IPO13: variants seen among roughly 807,000 people sequenced by gnomAD.
IPO13 encodes the protein importin-13.
IPO13 carries 28 observed loss-of-function variants against 115.5 expected under a neutral mutation model. The observed-to-expected ratio is 0.24, with a 90% CI of 0.18 to 0.33. The LOEUF (loss-of-function observed/expected upper bound fraction) is 0.33, where lower values mean the gene tolerates loss of function less well. IPO13 is among the 10% of genes least tolerant of loss of function. The probability of loss-of-function intolerance (pLI) is 1.00; values close to 1 mark genes in which losing one functional copy is unlikely to be tolerated. For missense variants in IPO13, 785 were observed against 1,204.6 expected, an observed-to-expected ratio of 0.65 and a Z score of 5.16; for synonymous variants, 414 against 478.9, an observed-to-expected ratio of 0.86 and a Z score of 1.77.
At chr1:43,959,598 T>C (rs1233071954) in intron 11 of IPO13, among the ~76,000 whole-genome samples, 1 of 152,198 alleles carries the variant, frequency 6.6e-6, no homozygotes, top group Non-Finnish European at 1.5e-5. Flanking sequence ...CTTTAGTCGT[T>C]GTTCCCAGAA....
chr1:43,959,786 G>A (rs1464080935), intron 11 of IPO13, among the ~76,000 whole-genome samples: 1 of 152,074 alleles, frequency 6.6e-6, no homozygotes, highest in Non-Finnish European at 1.5e-5. Context: ...CACCTCCCAG[G>A]ACCTCAGTCT....
Position 43,948,712 on chromosome 1 carries a change from G to A in IPO13, c.85-705G>A, listed in dbSNP as rs1437505366. ...GTGCTATTGGGAGATAAATCTCACTGTTTTCTTACTTCATAAAGTCCCGTT... is the reference window on the plus strand; with the variant it reads ...GTGCTATTGGGAGATAAATCTCACTATTTTCTTACTTCATAAAGTCCCGTT... On this transcript the variant is annotated intron_variant, in intron 1 of 19. Coordinates refer to ENST00000372343, the MANE Select transcript of IPO13 (RefSeq NM_014652.4). Among the ~76,000 whole-genome samples, 5 of 152,348 alleles carry A rather than the reference G, an allele frequency of 3.3e-5. No individual in the cohort carries two copies. In the East Asian group the frequency reaches 9.7e-4, roughly 29 times the overall value.
intron 2 of IPO13, among the ~76,000 whole-genome samples, chr1:43,951,847 T>G (rs72890618): frequency 0.034 from 5,210 of 152,280 alleles, 334 homozygotes; most frequent in African/African-American, 0.12. Flanking sequence ...GAATCCCAGA[T>G]GGTTCACTTA....
chr1:43,957,790 C>A (rs1208636117), intron 7 of IPO13, among the ~76,000 whole-genome samples, 187 bp from the exon 8 acceptor site: 1 of 152,232 alleles, frequency 6.6e-6, no homozygotes, highest in Non-Finnish European at 1.5e-5. Flanking sequence ...TGTTGAGTAA[C>A]CCCTTCCTGC....
At chr1:43,950,976 C>T (rs1046473370) in intron 2 of IPO13, among the ~76,000 whole-genome samples, 7 of 151,958 alleles carry the variant, frequency 4.6e-5, no homozygotes, top group African/African-American at 9.7e-5. Flanking sequence ...GCATTGTGCT[C>T]GGCACATGGT....
intron 11 of IPO13, 76 bp from the exon 12 acceptor site, chr1:43,960,173 C>T (rs2085279674): frequency 7.1e-7 from 1 of 1,409,786 alleles, no homozygotes; most frequent in East Asian, 2.3e-5. Context: ...CTCCCCTCCT[C>T]CCTGCCACCA....
rs200723873 is a variant in IPO13, at chr1:43,967,036, G to C, written c.2613+17G>C. Reference sequence around the variant, plus strand: ...GTGCTGGAGGTGAGACGGAGCAAAGGGGGGTTTGATGGGGGTGAGGGCCCC... The same window carrying C: ...GTGCTGGAGGTGAGACGGAGCAAAGCGGGGTTTGATGGGGGTGAGGGCCCC... On this transcript the variant is annotated intron_variant, in intron 18 of 19. Transcript: ENST00000372343. This position sits in a 1 kb window ranked among gnomAD's most constrained non-coding sequence, Gnocchi z 6.1. 50 of 1,612,384 alleles carry C rather than the reference G, an allele frequency of 3.1e-5. No individual in the cohort carries two copies. In the African/African-American group the frequency reaches 3.9e-4, roughly 12 times the overall value.
At chr1:43,959,008 C>T in intron 11 of IPO13, 119 bp downstream of exon 11, 3 of 997,382 alleles carry the variant, frequency 3.0e-6, no homozygotes, top group South Asian at 3.1e-5. Flanking sequence ...GTTCTCCCTG[C>T]CCCGTGGGCG....
At chr1:43,961,789 G>A (rs893385401) in intron 14 of IPO13, among the ~76,000 whole-genome samples, 1 of 152,158 alleles carries the variant, frequency 6.6e-6, no homozygotes, top group African/African-American at 2.4e-5. Flanking sequence ...CTTGGCTCAG[G>A]GGCTTTTGCA....
intron 14 of IPO13, among the ~76,000 whole-genome samples, chr1:43,961,704 T>C (rs1157734597): frequency 6.6e-6 from 1 of 152,238 alleles, no homozygotes; most frequent in East Asian, 1.9e-4. Flanking sequence ...GGCCTTCATT[T>C]CCATATCTGT....
chr1:43,959,152 G>A (rs2085272799), intron 11 of IPO13, among the ~76,000 whole-genome samples: 1 of 152,206 alleles, frequency 6.6e-6, no homozygotes, highest in Non-Finnish European at 1.5e-5. Flanking sequence ...ATGTCATTGA[G>A]ATTCCTCAGC....
At chr1:43,954,314 T>G (rs1419677682) in intron 2 of IPO13, among the ~76,000 whole-genome samples, 1 of 152,186 alleles carries the variant, frequency 6.6e-6, no homozygotes, top group African/African-American at 2.4e-5. Flanking sequence ...GGGCTGTCTC[T>G]GGGCTGGGGA....
intron 11 of IPO13, among the ~76,000 whole-genome samples, chr1:43,960,047 G>C (rs1367457397): frequency 6.6e-6 from 1 of 152,142 alleles, no homozygotes; most frequent in African/African-American, 2.4e-5. Flanking sequence ...ATGATCCCTA[G>C]AATTCAGGAA....
Position 43,956,005 on chromosome 1 carries a change from C to CA in IPO13, c.822-293dup, listed in dbSNP as rs5773817. Among the ~76,000 whole-genome samples, 18,322 of 113,590 alleles carry CA rather than the reference C, an allele frequency of 0.16. 1,687 individuals are homozygous for CA. Among genetic ancestry groups the CA allele is most frequent in the African/African-American group, 0.28 (7,783 of 27,368 alleles). The allele number at this position is 113,590 out of a possible 152,430, so 74.5% of individuals were successfully genotyped here. A position where few individuals can be genotyped will look rare whatever the true frequency, so the allele number is the denominator to read the frequency against. On this transcript the variant is annotated intron_variant, in intron 2 of 19. Coordinates refer to ENST00000372343, the MANE Select transcript of IPO13 (RefSeq NM_014652.4). This position sits in a 1 kb window ranked among gnomAD's most constrained non-coding sequence, Gnocchi z 4.7. ...TGGGTAACACAGCAAAACCCCATCT[C>CA]AAAAAAAAAAAAAAAAAAAAAATCT...
At position 43,958,896 on chromosome 1, in the gene IPO13, G is replaced by T; in HGVS notation, c.2028+7G>T. The T allele has an allele frequency of 6.2e-7, 1 of 1,613,122 alleles. No homozygotes were observed. The highest frequency in any genetic ancestry group is 8.5e-7 in the Non-Finnish European group (1 of 1,179,236). On this transcript the variant is annotated splice_region_variant and intron_variant, in intron 11 of 19. Coordinates refer to ENST00000372343, the MANE Select transcript of IPO13 (RefSeq NM_014652.4). The surrounding 1 kb of genome is among the most constrained non-coding windows in gnomAD (Gnocchi z 6.3). ...GCCACAGGGACCCAACCCCGTGGGT[G>T]ACATTTGCCCACGGCAAAGACATTT...
At chr1:43,954,229 A>G (rs2085228781) in intron 2 of IPO13, among the ~76,000 whole-genome samples, 1 of 151,784 alleles carries the variant, frequency 6.6e-6, no homozygotes, top group Non-Finnish European at 1.5e-5. Context: ...GAAAATGCCC[A>G]TTGTCTGGTG....
In IPO13 at chr1:43,960,327, G is replaced by A. The variant is rs200264160; in HGVS notation, c.2107G>A (p.Glu703Lys). Reference protein sequence around the residue: ...SKWLNDAQVVEAVCAIFEKSV... With the variant: ...SKWLNDAQVVKAVCAIFEKSV... ...ATGGTTGAATGATGCCCAGGTTGTGGAGGTGAGCCCTGACCCTTGCCCTCC... is the reference window on the plus strand; with the variant it reads ...ATGGTTGAATGATGCCCAGGTTGTGAAGGTGAGCCCTGACCCTTGCCCTCC... The change falls in exon 12 of 20, where the codon GAG becomes AAG. Residue 703 changes from glutamate to lysine, a missense_variant and splice_region_variant. Physicochemically the swap from Glu to Lys is moderately conservative, Grantham distance 56 (BLOSUM62 1). Around this residue, in one of 3 missense-constraint regions of IPO13, gnomAD observed 285 missense variants for 394.8 expected, o/e 0.72. Transcript: ENST00000372343. 1.9e-6 allele frequency: 3 copies of A among 1,614,100 alleles called. No individual in the cohort carries two copies. In the East Asian group the frequency reaches 6.7e-5, roughly 36 times the overall value.
In IPO13 at chr1:43,956,005, CAAA is replaced by C. The variant is rs5773817; in HGVS notation, c.822-295_822-293del. Among the ~76,000 whole-genome samples, 342 of 113,850 alleles carry C rather than the reference CAAA, an allele frequency of 3.0e-3. No homozygotes were observed. The highest frequency in any genetic ancestry group is 3.7e-3 in the Admixed American group (39 of 10,650). The allele number at this position is 113,850 out of a possible 152,430, so 74.7% of individuals were successfully genotyped here. On this transcript the variant is annotated intron_variant, in intron 2 of 19. Coordinates refer to ENST00000372343, the MANE Select transcript of IPO13 (RefSeq NM_014652.4). This position sits in a 1 kb window ranked among gnomAD's most constrained non-coding sequence, Gnocchi z 4.7. Reference sequence around the variant, plus strand: ...TGGGTAACACAGCAAAACCCCATCTCAAAAAAAAAAAAAAAAAAAAAATCTTAA... The same window carrying C: ...TGGGTAACACAGCAAAACCCCATCTCAAAAAAAAAAAAAAAAAAATCTTAA...
At position 43,967,260 on chromosome 1, in the gene IPO13, G is replaced by A; in HGVS notation, c.2614-55G>A. On this transcript the variant is annotated intron_variant, in intron 18 of 19. Transcript: ENST00000372343. This position sits in a 1 kb window ranked among gnomAD's most constrained non-coding sequence, Gnocchi z 6.1. ...CAGAGGGCAGTTAGGCATTCTTGCT[G>A]CAGAAGCGGCGGAAGGGGCAACACC... 6.4e-7 allele frequency: 1 copy of A among 1,570,958 alleles called. No individual in the cohort carries two copies. Among genetic ancestry groups the A allele is most frequent in the Non-Finnish European group, 8.7e-7 (1 of 1,148,520 alleles).
Sources: gnomAD v4.1 joint callset for allele counts (sites outside exome capture counted in the v4.1 genomes callset) on GRCh38, gnomAD v4.1.1 for gene constraint, gnomAD v4.1.1 regional missense constraint, Gnocchi (gnomAD v3.1) non-coding constraint, MANE v1.5 for transcripts, NCBI Gene and HGNC (gene_info 2026-07-23, HGNC 2026-07-21) for gene names.